Variants in PNPLA1 observed in about 807,000 individuals in gnomAD.
PNPLA1 encodes the protein patatin like domain 1, omega-hydroxyceramide transacylase, also known as omega-hydroxyceramide transacylase.
Under a neutral mutation model 51.7 loss-of-function variants are expected in PNPLA1, and 36 were observed. That is an observed-to-expected ratio of 0.70 (90% confidence interval 0.53 to 0.92). The LOEUF (loss-of-function observed/expected upper bound fraction) is 0.92, where lower values mean the gene tolerates loss of function less well. Among genes scored for constraint, PNPLA1 ranks in the 40% least tolerant of loss-of-function variants. PNPLA1 has a pLI of 0.00. For synonymous variants in PNPLA1, 293 were observed against 280.1 expected (o/e 1.05, Z -0.46); for missense variants, 658 against 682.5 (o/e 0.96, Z 0.40).
intron 2 of PNPLA1, 104 bp downstream of exon 2, chr6:36,291,656 T>G: frequency 1.0e-6 from 1 of 959,034 alleles, no homozygotes; most frequent in Non-Finnish European, 1.6e-6. Context: ...CCTGCCTCAC[T>G]TCCCTAGTCC....
At chr6:36,258,208 G>C (rs1582032225) in intron 1 of PNPLA1, among the ~76,000 whole-genome samples, 1 of 152,138 alleles carries the variant, frequency 6.6e-6, no homozygotes. Flanking sequence ...TCAGAGATTT[G>C]AGCAGAGTCT....
At chr6:36,289,500 G>GA in intron 1 of PNPLA1, among the ~76,000 whole-genome samples, 1 of 152,056 alleles carries the variant, frequency 6.6e-6, no homozygotes. Context: ...TAAAACCGTA[G>GA]GGCCTTTCTG....
At chr6:36,306,449 C>T in intron 7 of PNPLA1, 73 bp downstream of exon 7, 2 of 1,348,424 alleles carry the variant, frequency 1.5e-6, no homozygotes, top group Non-Finnish European at 1.0e-6. Context: ...CGATATCTTC[C>T]ACCACCTTAG....
At chr6:36,278,896 A>G (rs1183470353) in intron 1 of PNPLA1, among the ~76,000 whole-genome samples, 1 of 152,198 alleles carries the variant, frequency 6.6e-6, no homozygotes. Flanking sequence ...AAATTAAACC[A>G]TAGAAAATTA....
At chr6:36,247,004 G>A (rs559458356) in intron 1 of PNPLA1, among the ~76,000 whole-genome samples, 2 of 152,086 alleles carry the variant, frequency 1.3e-5, no homozygotes, top group Non-Finnish European at 2.9e-5. Context: ...CCCATCTCGC[G>A]TCCTCTCTCC....
At chr6:36,248,247 T>C (rs1769342951) in intron 1 of PNPLA1, among the ~76,000 whole-genome samples, 1 of 152,156 alleles carries the variant, frequency 6.6e-6, no homozygotes, top group African/African-American at 2.4e-5. Context: ...AGAACAGATA[T>C]AAGGATTCGA....
intron 5 of PNPLA1, among the ~76,000 whole-genome samples, chr6:36,300,178 T>TGAGAGAGAGAGAGAGAGA (rs71548136): frequency 9.2e-5 from 9 of 98,068 alleles, no homozygotes; most frequent in Admixed American, 1.3e-4. Flanking sequence ...TGTGTGTGTG[T>TGAGAGAGAGAGAGAGAGA]GAGAGAGAGA....
chr6:36,249,223 T>C (rs2127309941), intron 1 of PNPLA1, among the ~76,000 whole-genome samples: 1 of 152,230 alleles, frequency 6.6e-6, no homozygotes, highest in East Asian at 1.9e-4. Context: ...GTCATCTCGG[T>C]ACATCCCAGC....
At chr6:36,288,100 A>G (rs1770558831) in intron 1 of PNPLA1, among the ~76,000 whole-genome samples, 1 of 152,238 alleles carries the variant, frequency 6.6e-6, no homozygotes, top group South Asian at 2.1e-4. Flanking sequence ...TAAAGTAAGC[A>G]TTATAAGACT....
chr6:36,303,633 A>G (rs1250684639), intron 6 of PNPLA1, among the ~76,000 whole-genome samples: 1 of 152,160 alleles, frequency 6.6e-6, no homozygotes. Context: ...GGAGTTCAAG[A>G]CCAGCCTGAC....
rs1172567305 is a variant in PNPLA1, at chr6:36,313,164, G to A, written c.*1278G>A. On this transcript the variant is annotated 3_prime_UTR_variant, in exon 9 of 9. Coordinates refer to ENST00000636260, the MANE Select transcript of PNPLA1 (RefSeq NM_001374623.1). ...CCCTGGAGTCCTGGGTGGCTGTAGA[G>A]GAAGAAGGAGGCCAAATGTCCCTCC... Among the ~76,000 whole-genome samples, 1 of 152,176 alleles carries A rather than the reference G, an allele frequency of 6.6e-6. No homozygotes were observed. The highest frequency in any genetic ancestry group is 1.5e-5 in the Non-Finnish European group (1 of 68,034).
intron 5 of PNPLA1, 46 bp downstream of exon 5, chr6:36,295,470 G>T (rs780802465): frequency 3.8e-6 from 6 of 1,590,218 alleles, no homozygotes; most frequent in Non-Finnish European, 5.2e-6. Context: ...TGGAGGGTAG[G>T]GAAAGTTCAA....
At chr6:36,256,682 G>T (rs1016516031) in intron 1 of PNPLA1, among the ~76,000 whole-genome samples, 1 of 152,042 alleles carries the variant, frequency 6.6e-6, no homozygotes, top group African/African-American at 2.4e-5. Flanking sequence ...TCTTGACCTC[G>T]TGATCCACCC....
rs375901638 is a variant in PNPLA1 at position 36,307,710 on chromosome 6, G to A, written c.1593G>A (p.Val531=). ...GATCCAAAAAACCAAGCAGCAAAGT[G>A]CAGTGAGCATGTCTAATGTTCCTTA... The part of the protein sequence containing the change: ...HSGSKKPSSK[V]QSAPCPLNFP... The change falls in exon 8 of 9, where the codon GTG becomes GTA. Residue 531 remains valine, a splice_region_variant and synonymous_variant. Coordinates refer to ENST00000636260, the MANE Select transcript of PNPLA1 (RefSeq NM_001374623.1). 16 of 1,613,796 alleles carry A rather than the reference G, an allele frequency of 9.9e-6. No individual in the cohort carries two copies. The African/African-American group carries it at 1.3e-4, about 13-fold the overall frequency.
At chr6:36,271,973 G>C (rs986545760) in intron 1 of PNPLA1, among the ~76,000 whole-genome samples, 2 of 152,200 alleles carry the variant, frequency 1.3e-5, no homozygotes, top group African/African-American at 4.8e-5. Context: ...ATAGCGCCTA[G>C]TTCCCGGCAT....
chr6:36,309,581 T>C (rs1582110864), intron 8 of PNPLA1, among the ~76,000 whole-genome samples: 1 of 152,310 alleles, frequency 6.6e-6, no homozygotes, highest in East Asian at 1.9e-4. Context: ...CCACTTTGGT[T>C]AACAAACCTT....
chr6:36,262,578 C>T, intron 1 of PNPLA1, among the ~76,000 whole-genome samples: 1 of 152,220 alleles, frequency 6.6e-6, no homozygotes, highest in East Asian at 1.9e-4. Context: ...CCTCCACCCG[C>T]AAGCCCCAGT....
chr6:36,307,409 T>C (rs1231712207), intron 7 of PNPLA1, among the ~76,000 whole-genome samples, 178 bp from the exon 8 acceptor site: 1 of 152,148 alleles, frequency 6.6e-6, no homozygotes, highest in African/African-American at 2.4e-5. Flanking sequence ...GGGCATGATG[T>C]TACTTAGATA....
At chr6:36,256,724 G>A (rs1257645851) in intron 1 of PNPLA1, among the ~76,000 whole-genome samples, 1 of 152,136 alleles carries the variant, frequency 6.6e-6, no homozygotes, top group African/African-American at 2.4e-5. Flanking sequence ...GGGATTACAG[G>A]TGTGAGCCAC....
Sources: gnomAD v4.1 joint callset for allele counts (sites outside exome capture counted in the v4.1 genomes callset) on GRCh38, gnomAD v4.1.1 for gene constraint, MANE v1.5 for transcripts, NCBI Gene and HGNC (gene_info 2026-07-23, HGNC 2026-07-21) for gene names.